BMP6: variants seen among roughly 807,000 people sequenced by gnomAD.
BMP6 encodes bone morphogenetic protein 6, also known as VG-1-R.
BMP6 carries 17 observed loss-of-function variants against 54.1 expected under a neutral mutation model. The observed-to-expected ratio is 0.31, with a 90% CI of 0.22 to 0.47. The LOEUF (loss-of-function observed/expected upper bound fraction) is 0.47. Ranked by LOEUF, BMP6 falls within the 20% of genes least tolerant of loss-of-function variation. The pLI, the probability that BMP6 is intolerant of heterozygous loss-of-function variation, is 1.00. For synonymous variants in BMP6, 328 were observed against 291.2 expected (o/e 1.13, Z -1.28); for missense variants, 720 against 690.4 (o/e 1.04, Z -0.48).
intron 1 of BMP6, among the ~76,000 whole-genome samples, chr6:7,753,293 G>A (rs1426698396): frequency 6.6e-6 from 1 of 152,096 alleles, no homozygotes; most frequent in Non-Finnish European, 1.5e-5. Context: ...GTGCACAAGA[G>A]GAAATGAAAA....
At position 7,727,345 on chromosome 6, in the gene BMP6, G is replaced by A; in HGVS notation, c.390G>A (p.Lys130=). Residue 130 remains lysine, a synonymous_variant, in exon 1 of 7, where the codon AAG becomes AAA. Transcript: ENST00000283147. ...PRGEPPPGRL[K]SAPLFMLDLY... is the part of the protein sequence containing the mutation. ...GAGAGCCCCCTCCCGGGCGACTGAA[G>A]TCCGCGCCCCTCTTCATGCTGGATC... 1 of 1,609,984 alleles carries A rather than the reference G, an allele frequency of 6.2e-7. No homozygotes were observed. The highest frequency in any genetic ancestry group is 8.5e-7 in the Non-Finnish European group (1 of 1,178,862).
In BMP6 at chr6:7,879,980, A is replaced by G; in HGVS notation, c.1282-11A>G. ...GCTCATCTTTTGTTGCTTCCTTTGC[A>G]TGAAATTAAGGACTGGATCATTGCA... On this transcript the variant is annotated splice_polypyrimidine_tract_variant and intron_variant, in intron 5 of 6. Transcript: ENST00000283147. 6.2e-7 allele frequency: 1 copy of G among 1,611,882 alleles called. No individual in the cohort carries two copies. Among genetic ancestry groups the G allele is most frequent in the South Asian group, 1.1e-5 (1 of 91,028 alleles).
chr6:7,875,327 A>C (rs1369293632), intron 4 of BMP6, among the ~76,000 whole-genome samples: 2 of 152,164 alleles, frequency 1.3e-5, no homozygotes, highest in East Asian at 3.8e-4. Flanking sequence ...TACTCAGTCT[A>C]CTGACTCAAA....
intron 1 of BMP6, among the ~76,000 whole-genome samples, chr6:7,800,790 C>G (rs1195456821): frequency 6.6e-6 from 1 of 150,944 alleles, no homozygotes; most frequent in Non-Finnish European, 1.5e-5. Context: ...TTCATTAAAA[C>G]TTCATTAATT....
intron 1 of BMP6, among the ~76,000 whole-genome samples, chr6:7,834,895 A>T (rs1452933150): frequency 2.0e-5 from 3 of 152,208 alleles, no homozygotes; most frequent in Non-Finnish European, 1.5e-5. Context: ...CTCTAAAACA[A>T]ATGGCAGAGA....
intron 1 of BMP6, among the ~76,000 whole-genome samples, chr6:7,800,377 A>G (rs1360200326): frequency 6.6e-6 from 1 of 152,224 alleles, no homozygotes; most frequent in Non-Finnish European, 1.5e-5. Context: ...AAAATTTTGT[A>G]GATAATCAAT....
In BMP6 at chr6:7,861,477, C is replaced by G; in HGVS notation, c.884C>G (p.Thr295Ser). 1 of 1,614,056 alleles carries G rather than the reference C, an allele frequency of 6.2e-7. No homozygotes were observed. Among genetic ancestry groups the G allele is most frequent in the Non-Finnish European group, 8.5e-7 (1 of 1,180,008 alleles). ...HRDSDLFLLD[T>S]RVVWASEEGW... ...GACTCTGACCTGTTTTTGTTGGACA[C>G]CCGTGTAGTATGGGCCTCAGAAGAA... Residue 295 changes from threonine to serine, a missense_variant, in exon 3 of 7, where the codon ACC (threonine) becomes AGC (serine). Transcript: ENST00000283147.
At chr6:7,822,612 G>A (rs1758628065) in intron 1 of BMP6, among the ~76,000 whole-genome samples, 1 of 152,062 alleles carries the variant, frequency 6.6e-6, no homozygotes, top group Non-Finnish European at 1.5e-5. Context: ...GCCCACCCTG[G>A]CTCTGAGGTC....
intron 4 of BMP6, among the ~76,000 whole-genome samples, chr6:7,878,453 T>C (rs1759656220): frequency 6.6e-6 from 1 of 152,132 alleles, no homozygotes; most frequent in African/African-American, 2.4e-5. Flanking sequence ...CAGAGTCTCC[T>C]GAGGAACCCC....
At chr6:7,759,182 T>C (rs997824957) in intron 1 of BMP6, among the ~76,000 whole-genome samples, 7 of 152,138 alleles carry the variant, frequency 4.6e-5, no homozygotes, top group Non-Finnish European at 1.0e-4. Context: ...ATCCGTTAAG[T>C]TCCTCATTAC....
At chr6:7,842,304 G>A (rs1284007221) in intron 1 of BMP6, among the ~76,000 whole-genome samples, 1 of 152,190 alleles carries the variant, frequency 6.6e-6, no homozygotes, top group Non-Finnish European at 1.5e-5. Context: ...ATCCAAGATG[G>A]CATCTTCATA....
rs149023685 is a variant in BMP6 at position 7,809,092 on chromosome 6, G to T, written c.665-36048G>T. Among the ~76,000 whole-genome samples, 360 of 147,670 alleles carry T rather than the reference G, an allele frequency of 2.4e-3. 3 individuals carry two copies. The highest frequency in any genetic ancestry group is 8.9e-3 in the African/African-American group (347 of 38,954). ...GTGAGGGCTCCATTTCTTCCAATGG[G>T]CGTATAGTACCCCCCACCCCCCCCC... On this transcript the variant is annotated intron_variant, in intron 1 of 6. Coordinates refer to ENST00000283147, the MANE Select transcript of BMP6 (RefSeq NM_001718.6).
chr6:7,739,872 A>AT (rs1401704346), intron 1 of BMP6, among the ~76,000 whole-genome samples: 1 of 152,098 alleles, frequency 6.6e-6, no homozygotes, highest in Non-Finnish European at 1.5e-5. Context: ...CTACTGGGCT[A>AT]TTTTTTAGCG....
rs370721538 is a variant in BMP6, at chr6:7,808,879, A to C, written c.665-36261A>C. Among the ~76,000 whole-genome samples, 4 of 142,342 alleles carry C rather than the reference A, an allele frequency of 2.8e-5. No homozygotes were observed. The East Asian group carries it at 8.2e-4, about 29-fold the overall frequency. The allele number at this position is 142,342 out of a possible 152,430, so 93.4% of individuals were successfully genotyped here. A position where few individuals can be genotyped will look rare whatever the true frequency, so the allele number is the denominator to read the frequency against. Reference sequence around the variant, plus strand: ...CATTGAGCTATGATAGTGGAACTGCACTCCAGCCTGGGCAACAGAACAAGA... The same window carrying C: ...CATTGAGCTATGATAGTGGAACTGCCCTCCAGCCTGGGCAACAGAACAAGA... On this transcript the variant is annotated intron_variant, in intron 1 of 6. Coordinates refer to ENST00000283147, the MANE Select transcript of BMP6 (RefSeq NM_001718.6).
chr6:7,738,257 G>A (rs1249381790), intron 1 of BMP6, among the ~76,000 whole-genome samples: 1 of 152,078 alleles, frequency 6.6e-6, no homozygotes, highest in Non-Finnish European at 1.5e-5. Flanking sequence ...AACCCCTTTT[G>A]GCTGAAACCC....
At chr6:7,735,448 C>A (rs1424885168) in intron 1 of BMP6, among the ~76,000 whole-genome samples, 1 of 152,074 alleles carries the variant, frequency 6.6e-6, no homozygotes, top group Non-Finnish European at 1.5e-5. Flanking sequence ...TTAAATAGTC[C>A]AAAGACTGAG....
At chr6:7,878,194 T>C (rs1045496694) in intron 4 of BMP6, among the ~76,000 whole-genome samples, 1 of 152,162 alleles carries the variant, frequency 6.6e-6, no homozygotes, top group Non-Finnish European at 1.5e-5. Context: ...AGCATCCATG[T>C]TCTGGTTTGT....
chr6:7,827,770 G>T (rs1017828301), intron 1 of BMP6, among the ~76,000 whole-genome samples: 3 of 152,186 alleles, frequency 2.0e-5, no homozygotes, highest in Non-Finnish European at 4.4e-5. Context: ...ATAAGTGCAT[G>T]CCACAAATCT....
intron 1 of BMP6, among the ~76,000 whole-genome samples, chr6:7,831,093 T>A (rs1176819662): frequency 6.6e-6 from 1 of 152,232 alleles, no homozygotes; most frequent in East Asian, 1.9e-4. Flanking sequence ...ATGTGGCATG[T>A]ATCCATACAA....
Sources: gnomAD v4.1 joint callset for allele counts (sites outside exome capture counted in the v4.1 genomes callset) on GRCh38, gnomAD v4.1.1 for gene constraint, MANE v1.5 for transcripts, NCBI Gene and HGNC (gene_info 2026-07-23, HGNC 2026-07-21) for gene names.